RBFOX1: variants seen among roughly 807,000 people sequenced by gnomAD.
The protein encoded by RBFOX1 is RNA binding protein fox-1 homolog 1.
In RBFOX1, 8 loss-of-function variants were observed where a neutral mutation model predicts 57.7. That is an observed-to-expected ratio of 0.14 (90% CI 0.08 to 0.25). The LOEUF is 0.25. Ranked by LOEUF, RBFOX1 falls within the 10% of genes least tolerant of loss-of-function variation. The probability of loss-of-function intolerance (pLI) is 1.00; values close to 1 mark genes in which losing one functional copy is unlikely to be tolerated. For synonymous variants in RBFOX1, 326 were observed against 222.4 expected (o/e 1.47, Z -4.15); for missense variants, 611 against 548.5 (o/e 1.11, Z -1.14).
intron 13 of RBFOX1, among the ~76,000 whole-genome samples, chr16:7,674,964 C>G (rs1460567482): frequency 1.3e-5 from 2 of 152,228 alleles, no homozygotes; most frequent in Admixed American, 6.5e-5. Context: ...TCATGATTCA[C>G]ATGGCATCTG....
chr16:6,727,879 A>G (rs2067613971), intron 3 of RBFOX1, among the ~76,000 whole-genome samples: 2 of 152,138 alleles, frequency 1.3e-5, no homozygotes, highest in Non-Finnish European at 2.9e-5. Flanking sequence ...ACAGTCCAGT[A>G]TTTACCTGAT....
chr16:7,637,947 T>G (rs894676742), intron 11 of RBFOX1, among the ~76,000 whole-genome samples: 10 of 152,252 alleles, frequency 6.6e-5, no homozygotes, highest in African/African-American at 1.9e-4. Context: ...GTTTTATTCC[T>G]TTTTCCTTTT....
chr16:5,375,972 G>C lies in RBFOX1; in HGVS notation c.220-91244G>C, dbSNP rs576101905. On this transcript the variant is annotated intron_variant, in intron 1 of 2. Transcript: ENST00000585867. ...ATTTGAGGTCGGGAGTCTGAGACCAGCCTGGCCAACGTGGCAAAACCCCAT... is the reference window on the plus strand; with the variant it reads ...ATTTGAGGTCGGGAGTCTGAGACCACCCTGGCCAACGTGGCAAAACCCCAT... 2.5e-4 allele frequency among the ~76,000 whole-genome samples: 38 copies of C among 152,170 alleles called. No homozygotes were observed. In the East Asian group the frequency reaches 4.5e-3, roughly 18 times the overall value.
At chr16:5,883,590 T>C (rs1421373793) in intron 4 of RBFOX1, among the ~76,000 whole-genome samples, 1 of 152,178 alleles carries the variant, frequency 6.6e-6, no homozygotes, top group Non-Finnish European at 1.5e-5. Context: ...CATGTCTCTC[T>C]GCTTTTGGAT....
intron 2 of RBFOX1, among the ~76,000 whole-genome samples, chr16:6,563,987 A>G (rs1011852604): frequency 1.3e-5 from 2 of 151,928 alleles, no homozygotes; most frequent in Non-Finnish European, 2.9e-5. Context: ...TTTGGAGGGG[A>G]CAGACATGTA....
rs1381776316 is a variant in RBFOX1, at chr16:5,524,382, G to C, written c.258+57128G>C. On this transcript the variant is annotated intron_variant, in intron 2 of 2. Coordinates refer to the RBFOX1 transcript ENST00000585867. The stretch of plus-strand genomic sequence containing the variant: ...GAGACACTTCTATTAAAATTCTTTT[G>C]GGAGGGCAAGCCCAGTAAGTCACTT... 2.6e-5 allele frequency among the ~76,000 whole-genome samples: 4 copies of C among 152,130 alleles called. No individual in the cohort carries two copies. In the East Asian group the frequency reaches 7.7e-4, roughly 29 times the overall value.
rs75470658 is a variant in RBFOX1, at chr16:7,298,450, G to C, written c.28-219697G>C. On this transcript the variant is annotated intron_variant, in intron 4 of 15. Transcript: ENST00000550418. ...ACTACAGATGCGTGCGACTATGCCT[G>C]AGGGCTAATTTTTGTATATTTGGTT... is the stretch of plus-strand genomic sequence containing the variant. Among the ~76,000 whole-genome samples, 1,404 of 152,068 alleles carry C rather than the reference G, an allele frequency of 9.2e-3. 19 individuals carry two copies. Among genetic ancestry groups the C allele is most frequent in the African/African-American group, 0.032 (1,340 of 41,488 alleles).
intron 4 of RBFOX1, among the ~76,000 whole-genome samples, chr16:7,214,118 T>C (rs186435981): frequency 6.6e-6 from 1 of 152,294 alleles, no homozygotes; most frequent in East Asian, 1.9e-4. Flanking sequence ...TGCTACCTTA[T>C]TTTCTTGTTC....
chr16:5,481,201 G>A (rs1047397057), intron 2 of RBFOX1, among the ~76,000 whole-genome samples: 2 of 152,156 alleles, frequency 1.3e-5, no homozygotes, highest in Non-Finnish European at 2.9e-5. Flanking sequence ...TTCTTTTCAT[G>A]TCTGGCTTCC....
intron 4 of RBFOX1, among the ~76,000 whole-genome samples, chr16:7,053,494 G>A (rs758288014): frequency 3.9e-5 from 6 of 152,160 alleles, no homozygotes; most frequent in Non-Finnish European, 8.8e-5. Context: ...TCAGAACTAG[G>A]TCAGAGCTAG....
At chr16:6,656,595 A>T (rs975514080) in intron 3 of RBFOX1, among the ~76,000 whole-genome samples, 5 of 97,672 alleles carry the variant, frequency 5.1e-5, no homozygotes, top group Admixed American at 1.0e-4. Context: ...GAAAGGGGAA[A>T]ATAGACACAC....
At chr16:6,277,831 T>A (rs117266498) in intron 1 of RBFOX1, among the ~76,000 whole-genome samples, 1 of 152,278 alleles carries the variant, frequency 6.6e-6, no homozygotes, top group East Asian at 1.9e-4. Flanking sequence ...CTGATTGCGA[T>A]TAGGATTACT....
intron 3 of RBFOX1, among the ~76,000 whole-genome samples, chr16:6,717,359 C>T (rs1323880474): frequency 6.6e-6 from 1 of 152,096 alleles, no homozygotes; most frequent in Non-Finnish European, 1.5e-5. Context: ...TAAGGTAGTT[C>T]AAGATGTATT....
chr16:5,529,467 G>C (rs943953103), intron 2 of RBFOX1, among the ~76,000 whole-genome samples: 15 of 149,906 alleles, frequency 1.0e-4, no homozygotes, highest in Admixed American at 4.7e-4. Flanking sequence ...CATGATCTCA[G>C]CTCACTGCAT....
Position 5,947,757 on chromosome 16 carries a change from C to T in RBFOX1, c.351+80422C>T, listed in dbSNP as rs2059432344. 6.6e-6 allele frequency among the ~76,000 whole-genome samples: 1 copy of T among 152,202 alleles called. No homozygotes were observed. Among genetic ancestry groups the T allele is most frequent in the South Asian group, 2.1e-4 (1 of 4,820 alleles). ...TCCAGGAACATTCTTAAGGGGGTGT[C>T]TCCACCTAACAGTGCAAGGATACAG... On this transcript the variant is annotated intron_variant, in intron 4 of 19. Transcript: ENST00000641259. This position sits in a 1 kb window ranked among gnomAD's most constrained non-coding sequence, Gnocchi z 7.2.
At chr16:5,685,483 GTTC>G (rs1434808714) in intron 3 of RBFOX1, among the ~76,000 whole-genome samples, 1 of 152,226 alleles carries the variant, frequency 6.6e-6, no homozygotes, top group African/African-American at 2.4e-5. Context: ...GTCCCAAGGT[GTTC>G]TTCTCTGATG....
chr16:5,318,216 C>T (rs1401685047), intron 1 of RBFOX1, among the ~76,000 whole-genome samples: 1 of 152,294 alleles, frequency 6.6e-6, no homozygotes, highest in African/African-American at 2.4e-5. Context: ...GCAACCTCCA[C>T]CTCCCAGGTT....
chr16:5,633,848 G>A (rs539429305), intron 3 of RBFOX1, among the ~76,000 whole-genome samples: 4 of 54,588 alleles, frequency 7.3e-5, no homozygotes, highest in South Asian at 6.3e-4. Flanking sequence ...GTGAGACTCC[G>A]TCTTAAAAAA....
chr16:6,964,520 T>C (rs975506918), intron 3 of RBFOX1, among the ~76,000 whole-genome samples: 2 of 152,210 alleles, frequency 1.3e-5, no homozygotes, highest in African/African-American at 4.8e-5. Context: ...TAGGGGGTTT[T>C]GTTAAGGGTG....
Sources: gnomAD v4.1 joint callset for allele counts (sites outside exome capture counted in the v4.1 genomes callset) on GRCh38, gnomAD v4.1.1 for gene constraint, Gnocchi (gnomAD v3.1) non-coding constraint, MANE v1.5 for transcripts, NCBI Gene and HGNC (gene_info 2026-07-23, HGNC 2026-07-21) for gene names.